RBKS: variants seen among roughly 807,000 people sequenced by gnomAD.
The protein encoded by RBKS is ribokinase.
In RBKS, 33 loss-of-function variants were observed where a neutral mutation model predicts 33.9. The ratio of observed to expected loss-of-function variants is 0.97; its 90% CI spans 0.74 to 1.30. The LOEUF is 1.30. Among genes scored for constraint, RBKS ranks in the 50% most tolerant of loss-of-function variants. The pLI is 0.00. For missense variants in RBKS, 361 were observed against 392.6 expected (o/e 0.92, Z 0.68); for synonymous variants, 125 against 143.0 (o/e 0.87, Z 0.90).
intron 5 of RBKS, among the ~76,000 whole-genome samples, chr2:27,836,347 T>C (rs1433478405): frequency 4.6e-5 from 7 of 152,024 alleles, no homozygotes. Context: ...TGAGGCAGGA[T>C]ACAGATAAAA....
chr2:27,835,200 C>T (rs1323008162), intron 5 of RBKS, among the ~76,000 whole-genome samples: 8 of 150,938 alleles, frequency 5.3e-5, no homozygotes, highest in Non-Finnish European at 8.9e-5. Context: ...CGCTTGAACC[C>T]GGGAGGTGGA....
chr2:27,786,069 A>G (rs1677392636), intron 7 of RBKS, among the ~76,000 whole-genome samples: 1 of 152,224 alleles, frequency 6.6e-6, no homozygotes, highest in African/African-American at 2.4e-5. Context: ...ATGAGGTTTC[A>G]GCATCCATGA....
intron 7 of RBKS, among the ~76,000 whole-genome samples, chr2:27,800,248 CA>C (rs1181394746): frequency 6.6e-6 from 1 of 152,026 alleles, no homozygotes; most frequent in African/African-American, 2.4e-5. Context: ...ATGGTAAATT[CA>C]CTGTCTTTTC....
intron 7 of RBKS, among the ~76,000 whole-genome samples, chr2:27,807,943 A>G (rs769443328): frequency 2.6e-5 from 4 of 152,198 alleles, no homozygotes; most frequent in African/African-American, 4.8e-5. Flanking sequence ...TATTGGTTCT[A>G]TTTTAATTCC....
At chr2:27,835,945 G>A (rs1251315944) in intron 5 of RBKS, among the ~76,000 whole-genome samples, 1 of 152,088 alleles carries the variant, frequency 6.6e-6, no homozygotes, top group Non-Finnish European at 1.5e-5. Flanking sequence ...GCCGGGCACA[G>A]TGGCTCATGC....
chr2:27,865,716 T>C (rs1664087432), intron 1 of RBKS, among the ~76,000 whole-genome samples: 1 of 151,916 alleles, frequency 6.6e-6, no homozygotes, highest in South Asian at 2.1e-4. Flanking sequence ...GCCTGGCTGA[T>C]TTTTTCCCCT....
At chr2:27,887,559 G>T (rs1354727602) in intron 1 of RBKS, among the ~76,000 whole-genome samples, 1 of 152,208 alleles carries the variant, frequency 6.6e-6, no homozygotes, top group Non-Finnish European at 1.5e-5. Flanking sequence ...TTTTTGTAAA[G>T]ATCTTCAGTG....
intron 7 of RBKS, among the ~76,000 whole-genome samples, chr2:27,785,870 A>C (rs909000912): frequency 6.6e-6 from 1 of 152,236 alleles, no homozygotes; most frequent in African/African-American, 2.4e-5. Context: ...TAATATAGGA[A>C]TATAGGTACA....
intron 7 of RBKS, among the ~76,000 whole-genome samples, chr2:27,804,413 G>A (rs1204314828): frequency 6.6e-6 from 1 of 152,130 alleles, no homozygotes; most frequent in Non-Finnish European, 1.5e-5. Flanking sequence ...CCACTTATCT[G>A]CTTTGTCTCT....
At chr2:27,866,695 G>T (rs1413975780) in intron 1 of RBKS, among the ~76,000 whole-genome samples, 1 of 151,944 alleles carries the variant, frequency 6.6e-6, no homozygotes, top group Non-Finnish European at 1.5e-5. Context: ...TTTTATTTCA[G>T]ATATTGCATT....
At position 27,781,706 on chromosome 2, in the gene RBKS, C is replaced by T. The variant is rs1249905315; in HGVS notation, c.878G>A (p.Arg293Lys). Residue 293 changes from arginine (R) to lysine (K), a missense_variant, in exon 8 of 8, where the codon AGA (arginine) becomes AAA (lysine). Arg to Lys is a conservative substitution (Grantham distance 26). Transcript: ENST00000302188. ...PNLSLEDMLN[R>K]SNFIAAVSVQ... The stretch of plus-strand genomic sequence containing the variant: ...ACTGACTGCTGCAATGAAATTGGAT[C>T]TGTTGAGCATGTCTTCCAAGGACAG... 1.9e-6 allele frequency: 3 copies of T among 1,613,930 alleles called. No individual in the cohort carries two copies. The highest frequency in any genetic ancestry group is 2.5e-6 in the Non-Finnish European group (3 of 1,180,008).
chr2:27,854,700 A>G (rs992167407), intron 2 of RBKS, among the ~76,000 whole-genome samples: 20 of 152,014 alleles, frequency 1.3e-4, no homozygotes, highest in Non-Finnish European at 1.9e-4. Flanking sequence ...CTCTGGGCAC[A>G]TAGCCTATCA....
chr2:27,821,269 T>C (rs1015499882), intron 7 of RBKS, among the ~76,000 whole-genome samples: 2 of 152,128 alleles, frequency 1.3e-5, no homozygotes, highest in Non-Finnish European at 2.9e-5. Context: ...AGGTTAAGCA[T>C]TGTCTCATTT....
chr2:27,782,811 G>A (rs1573027978), intron 7 of RBKS: 1 of 279,202 alleles, frequency 3.6e-6, no homozygotes, highest in East Asian at 8.1e-5. Flanking sequence ...GGCATTACAT[G>A]TATTCCACTC....
At chr2:27,822,829 C>T (rs1028956155) in intron 7 of RBKS, among the ~76,000 whole-genome samples, 5 of 152,190 alleles carry the variant, frequency 3.3e-5, no homozygotes, top group Non-Finnish European at 7.3e-5. Context: ...CTTACATACC[C>T]ATGCGTTATT....
At chr2:27,801,992 A>ATTTTTTT (rs1179237576) in intron 7 of RBKS, among the ~76,000 whole-genome samples, 1 of 42,692 alleles carries the variant, frequency 2.3e-5, no homozygotes, top group African/African-American at 1.3e-4. Context: ...ATATATATAT[A>ATTTTTTT]TTTTTTTTTT....
At chr2:27,808,735 G>A (rs1229117913) in intron 7 of RBKS, among the ~76,000 whole-genome samples, 1 of 152,208 alleles carries the variant, frequency 6.6e-6, no homozygotes, top group East Asian at 1.9e-4. Context: ...GCATTTTGAC[G>A]AAGGTGTTTT....
At chr2:27,861,548 T>C (rs1437188575) in intron 1 of RBKS, 1 of 470,828 alleles carries the variant, frequency 2.1e-6, no homozygotes, top group Middle Eastern at 3.2e-4. Context: ...ATGTATCTCC[T>C]ACAAGGCAAA....
chr2:27,818,148 A>G (rs1678134151), intron 7 of RBKS, among the ~76,000 whole-genome samples: 1 of 152,184 alleles, frequency 6.6e-6, no homozygotes. Context: ...AATGATCCAT[A>G]AAGTGGTAAA....
Sources: allele counts gnomAD v4.1 joint callset (sites outside exome capture counted in the v4.1 genomes callset), GRCh38; gene constraint gnomAD v4.1.1; transcripts MANE v1.5; gene names NCBI Gene and HGNC (gene_info 2026-07-23, HGNC 2026-07-21).